Variants in ST6GALNAC3 observed in about 807,000 individuals in gnomAD.
ST6GALNAC3 encodes alpha-N-acetylgalactosaminide alpha-2,6-sialyltransferase 3.
Under a neutral mutation model 32.7 loss-of-function variants are expected in ST6GALNAC3, and 25 were observed. The ratio of observed to expected loss-of-function variants is 0.76; its 90% confidence interval spans 0.56 to 1.07. The LOEUF is 1.07. Ranked by LOEUF, ST6GALNAC3 falls within the 50% of genes least tolerant of loss-of-function variation. The probability of loss-of-function intolerance (pLI) is 0.00; values close to 1 mark genes in which losing one functional copy is unlikely to be tolerated. For synonymous variants in ST6GALNAC3, 129 were observed against 133.1 expected (o/e 0.97, Z 0.21); for missense variants, 355 against 382.4 (o/e 0.93, Z 0.60).
intron 3 of ST6GALNAC3, among the ~76,000 whole-genome samples, chr1:76,431,862 T>C (rs1331770217): frequency 6.6e-6 from 1 of 152,142 alleles, no homozygotes; most frequent in African/African-American, 2.4e-5. Context: ...CAGCTTACAT[T>C]AGGCATCACT....
chr1:76,521,141 C>T (rs930623398), intron 3 of ST6GALNAC3, among the ~76,000 whole-genome samples: 6 of 152,016 alleles, frequency 3.9e-5, no homozygotes, highest in African/African-American at 1.2e-4. Context: ...TGATTGCTTT[C>T]ACCTCTTCCA....
chr1:76,130,540 G>A (rs1649542953), intron 1 of ST6GALNAC3, among the ~76,000 whole-genome samples: 1 of 152,184 alleles, frequency 6.6e-6, no homozygotes, highest in South Asian at 2.1e-4. Context: ...CTGGCAGGGT[G>A]GCCACCTGCT....
At chr1:76,608,597 ATGTGTGTG>A (rs60960904) in intron 3 of ST6GALNAC3, among the ~76,000 whole-genome samples, 1,487 of 135,228 alleles carry the variant, frequency 0.011, 14 homozygotes, top group South Asian at 0.043. Context: ...TGAGCTGGAA[ATGTGTGTG>A]TGTGTGTGTG....
At chr1:76,486,753 T>C (rs1175730946) in intron 3 of ST6GALNAC3, among the ~76,000 whole-genome samples, 3 of 152,212 alleles carry the variant, frequency 2.0e-5, no homozygotes, top group Admixed American at 6.5e-5. Context: ...TATGTGTGAA[T>C]TTGATCCTGT....
At chr1:76,163,217 T>A (rs1651921088) in intron 1 of ST6GALNAC3, among the ~76,000 whole-genome samples, 1 of 152,212 alleles carries the variant, frequency 6.6e-6, no homozygotes, top group Admixed American at 6.5e-5. Context: ...TTATATGATT[T>A]TAAAAGTTGT....
At chr1:76,244,759 A>T (rs930270011) in intron 1 of ST6GALNAC3, among the ~76,000 whole-genome samples, 1 of 152,150 alleles carries the variant, frequency 6.6e-6, no homozygotes, top group African/African-American at 2.4e-5. Flanking sequence ...TGATTAGCGC[A>T]TGTTGAACCA....
At chr1:76,506,534 C>T (rs1191169178) in intron 3 of ST6GALNAC3, among the ~76,000 whole-genome samples, 1 of 152,186 alleles carries the variant, frequency 6.6e-6, no homozygotes, top group African/African-American at 2.4e-5. Context: ...ACTTTCCCAA[C>T]CCATTTCTCA....
rs1436473135 is a variant in ST6GALNAC3, at chr1:76,443,568, G to A, written c.623+31151G>A. Among the ~76,000 whole-genome samples, 4 of 152,296 alleles carry A rather than the reference G, an allele frequency of 2.6e-5. No homozygotes were observed. The East Asian group carries it at 7.7e-4, about 29-fold the overall frequency. On this transcript the variant is annotated intron_variant, in intron 3 of 4. Coordinates refer to ENST00000328299, the MANE Select transcript of ST6GALNAC3 (RefSeq NM_152996.4). ...AATTGTTGACTGGAGCAGGGAACTT[G>A]TGGCCCTTTGTAATTCCTAAGCATC...
intron 2 of ST6GALNAC3, among the ~76,000 whole-genome samples, chr1:76,347,330 G>A (rs188815868): frequency 1.3e-5 from 2 of 152,154 alleles, no homozygotes; most frequent in Admixed American, 1.3e-4. Flanking sequence ...TATTCCAGCA[G>A]TCTTTTCCCC....
chr1:76,537,091 A>G (rs1663659203), intron 3 of ST6GALNAC3, among the ~76,000 whole-genome samples: 1 of 152,184 alleles, frequency 6.6e-6, no homozygotes, highest in South Asian at 2.1e-4. Flanking sequence ...ATTGGAAGTA[A>G]AACACTCTGC....
At chr1:76,522,974 G>A (rs35336712) in intron 3 of ST6GALNAC3, among the ~76,000 whole-genome samples, 15,818 of 152,130 alleles carry the variant, frequency 0.1, 1,014 homozygotes, top group East Asian at 0.22. Flanking sequence ...CTTCTTGTGC[G>A]CAACCATTCC....
At chr1:76,358,929 C>T (rs1649709848) in intron 2 of ST6GALNAC3, among the ~76,000 whole-genome samples, 1 of 152,140 alleles carries the variant, frequency 6.6e-6, no homozygotes, top group African/African-American at 2.4e-5. Context: ...ATCATCATTC[C>T]CTTGAAGAAG....
At chr1:76,580,455 A>G (rs1018383204) in intron 3 of ST6GALNAC3, among the ~76,000 whole-genome samples, 1 of 152,136 alleles carries the variant, frequency 6.6e-6, no homozygotes, top group African/African-American at 2.4e-5. Context: ...GCCAGTGTTT[A>G]TATGTAAATT....
At chr1:76,336,968 C>T (rs1422946848) in intron 2 of ST6GALNAC3, among the ~76,000 whole-genome samples, 2 of 152,210 alleles carry the variant, frequency 1.3e-5, no homozygotes, top group East Asian at 3.9e-4. Context: ...AGGACTTCCT[C>T]CAGATGACAT....
chr1:76,280,131 C>T (rs897193925), intron 1 of ST6GALNAC3, among the ~76,000 whole-genome samples: 1 of 152,136 alleles, frequency 6.6e-6, no homozygotes, highest in Non-Finnish European at 1.5e-5. Context: ...ACTTCATTCT[C>T]CCTGTTCTGT....
Position 76,080,791 on chromosome 1 carries a change from G to A in ST6GALNAC3, c.18+5907G>A, listed in dbSNP as rs754684699. On this transcript the variant is annotated intron_variant, in intron 1 of 4. Transcript: ENST00000328299. ...GTACACAGATGATAAATCTGAAACC[G>A]TAGGATAACCCTGGCAAGTAGACAA... Among the ~76,000 whole-genome samples, 10 of 152,160 alleles carry A rather than the reference G, an allele frequency of 6.6e-5. No homozygotes were observed. In the South Asian group the frequency reaches 8.3e-4, roughly 13 times the overall value.
chr1:76,090,789 T>C (rs928206743), intron 1 of ST6GALNAC3, among the ~76,000 whole-genome samples: 2 of 152,214 alleles, frequency 1.3e-5, no homozygotes, highest in African/African-American at 4.8e-5. Context: ...CTTTGGGGGC[T>C]GGTGGGACAT....
At chr1:76,224,593 A>T (rs1048670738) in intron 1 of ST6GALNAC3, among the ~76,000 whole-genome samples, 6 of 152,224 alleles carry the variant, frequency 3.9e-5, no homozygotes, top group African/African-American at 1.4e-4. Context: ...TTTCTTCAAC[A>T]CAGAGTATAA....
At chr1:76,336,034 G>A (rs187272344) in intron 2 of ST6GALNAC3, among the ~76,000 whole-genome samples, 2 of 152,266 alleles carry the variant, frequency 1.3e-5, no homozygotes, top group East Asian at 1.9e-4. Flanking sequence ...AGGATAATAA[G>A]TGAGTCTGGA....
Sources: gnomAD v4.1 joint callset for allele counts (sites outside exome capture counted in the v4.1 genomes callset) on GRCh38, gnomAD v4.1.1 for gene constraint, MANE v1.5 for transcripts, NCBI Gene and HGNC (gene_info 2026-07-23, HGNC 2026-07-21) for gene names.